KLHL23: variants seen among roughly 807,000 people sequenced by gnomAD.
The protein encoded by KLHL23 is kelch-like protein 23.
Under a neutral mutation model 48.9 loss-of-function variants are expected in KLHL23, and 33 were observed. That is an observed-to-expected ratio of 0.67 (90% CI 0.51 to 0.90). The LOEUF (loss-of-function observed/expected upper bound fraction) is 0.90, where lower values mean the gene tolerates loss of function less well. KLHL23 is among the 40% of genes least tolerant of loss of function. The pLI, the probability that KLHL23 is intolerant of heterozygous loss-of-function variation, is 0.00. For missense variants in KLHL23, 608 were observed against 669.6 expected (o/e 0.91, Z 1.02); for synonymous variants, 234 against 231.6 (o/e 1.01, Z -0.09).
In KLHL23 at chr2:169,735,579, A is replaced by G. The variant is rs1467935730; in HGVS notation, c.565A>G (p.Arg189Gly). The G allele has an allele frequency of 1.2e-6, 2 of 1,613,942 alleles. No homozygotes were observed. The highest frequency in any genetic ancestry group is 1.7e-5 in the Admixed American group (1 of 60,014). The change falls in exon 2 of 4, where the codon AGA becomes GGA. Residue 189 changes from arginine (R) to glycine (G), a missense_variant. Arg to Gly is a moderately radical substitution (Grantham distance 125). Coordinates refer to ENST00000392647, the MANE Select transcript of KLHL23 (RefSeq NM_144711.6). This position sits in a 1 kb window ranked among gnomAD's most constrained non-coding sequence, Gnocchi z 4.5. ...TGAAAAGTTTCTCTTTATCTTGTCCAGAAAGAATCTCAGTGTTTGGAAAGA... is the reference window on the plus strand; with the variant it reads ...TGAAAAGTTTCTCTTTATCTTGTCCGGAAAGAATCTCAGTGTTTGGAAAGA... ...SLEKFLFILS[R>G]KNLSVWKEEA...
At chr2:169,747,389 T>TAAAAAAAAAAAGAAAAAAAAAAAAAAAA (rs1688817832) in intron 3 of KLHL23, among the ~76,000 whole-genome samples, 1 of 69,204 alleles carries the variant, frequency 1.4e-5, no homozygotes, top group Non-Finnish European at 2.6e-5. Flanking sequence ...ACTCTGTCTC[T>TAAAAAAAAAAAGAAAAAAAAAAAAAAAA]AAAAAAAAAA....
At position 169,751,618 on chromosome 2, in the gene KLHL23, T is replaced by C. The variant is rs1217433606; in HGVS notation, c.*1886T>C. ...TGTCAAGAAAGTGGGATAAGAAAAA[T>C]AGTGAAGTATTATACTGCCATTAAA... is the stretch of plus-strand genomic sequence containing the variant. On this transcript the variant is annotated 3_prime_UTR_variant, in exon 4 of 4. Transcript: ENST00000392647. 1 of 152,058 alleles carries C rather than the reference T, an allele frequency of 6.6e-6. No individual in the cohort carries two copies. Among genetic ancestry groups the C allele is most frequent in the Non-Finnish European group, 1.5e-5 (1 of 68,002 alleles). 9.4% of individuals were successfully genotyped at this position (152,058 alleles called of 1,614,324 possible).
In KLHL23 at chr2:169,735,288, G is replaced by A; in HGVS notation, c.274G>A (p.Val92Ile). 6.2e-7 allele frequency: 1 copy of A among 1,612,740 alleles called. No individual in the cohort carries two copies. Among genetic ancestry groups the A allele is most frequent in the Non-Finnish European group, 8.5e-7 (1 of 1,179,784 alleles). The change falls in exon 2 of 4, where the codon GTA (valine) becomes ATA (isoleucine). Residue 92 changes from valine to isoleucine, a missense_variant. Val to Ile is a conservative substitution (Grantham distance 29, BLOSUM62 3). Transcript: ENST00000392647. This position sits in a 1 kb window ranked among gnomAD's most constrained non-coding sequence, Gnocchi z 4.5. ...CCACCATGATATTCTGGAAGGCCTT[G>A]TAAATTATGCATACACTTCCCAAAT... ...GIHHDILEGL[V>I]NYAYTSQIEI... is the part of the protein sequence containing the mutation.
rs1353228755 is a variant in KLHL23, at chr2:169,749,982, T to C, written c.*250T>C. The C allele has an allele frequency of 2.3e-5, 2 of 85,736 alleles. No homozygotes were observed. Among genetic ancestry groups the C allele is most frequent in the Non-Finnish European group, 4.8e-5 (2 of 41,464 alleles). The allele number at this position is 85,736 out of a possible 1,614,324, so 5.3% of individuals were successfully genotyped here. ...ATATGTATACATATATATGTGTATA[T>C]ATACGTATGTATACATATATGTGTA... is the stretch of plus-strand genomic sequence containing the variant. On this transcript the variant is annotated 3_prime_UTR_variant, in exon 4 of 4. Transcript: ENST00000392647.
chr2:169,745,392 A>G (rs1688771564), intron 3 of KLHL23, among the ~76,000 whole-genome samples: 1 of 151,854 alleles, frequency 6.6e-6, no homozygotes, highest in African/African-American at 2.4e-5. Flanking sequence ...GGGCACCTGT[A>G]GTCCTAGCTA....
At chr2:169,742,344 T>C (rs1256378425) in intron 3 of KLHL23, among the ~76,000 whole-genome samples, 1 of 152,236 alleles carries the variant, frequency 6.6e-6, no homozygotes, top group Non-Finnish European at 1.5e-5. Context: ...AGGCACTGGC[T>C]AAGCACTTCA....
At chr2:169,741,131 G>A (rs1188342444) in intron 2 of KLHL23, 5 of 328,656 alleles carry the variant, frequency 1.5e-5, no homozygotes, top group Non-Finnish European at 2.8e-5. Context: ...TAGGTGATAG[G>A]ACATTTTCCA....
chr2:169,740,766 T>TA (rs1553477017), intron 2 of KLHL23, among the ~76,000 whole-genome samples: 2 of 125,516 alleles, frequency 1.6e-5, no homozygotes, highest in South Asian at 2.5e-4. Context: ...CTTTTTTATA[T>TA]TATATATATA....
intron 3 of KLHL23, among the ~76,000 whole-genome samples, chr2:169,745,297 G>A (rs1221638628): frequency 6.6e-6 from 1 of 151,876 alleles, no homozygotes; most frequent in African/African-American, 2.4e-5. Flanking sequence ...CGGATCATGA[G>A]GTCAGGAGAT....
rs1688498755 is a variant in KLHL23 at position 169,735,799 on chromosome 2, C to T, written c.785C>T (p.Pro262Leu). 1 of 1,614,022 alleles carries T rather than the reference C, an allele frequency of 6.2e-7. No individual in the cohort carries two copies. Among genetic ancestry groups the T allele is most frequent in the Non-Finnish European group, 8.5e-7 (1 of 1,180,030 alleles). ...IRSLIYNALN[P>L]MHKEISQRST... ...TCCCTAATATACAATGCCTTGAATC[C>T]CATGCATAAAGAGATTTCCCAGAGG... Residue 262 changes from proline to leucine, a missense_variant, in exon 2 of 4, where the codon CCC (proline) becomes CTC (leucine). Pro to Leu is a moderately conservative substitution (Grantham distance 98). Coordinates refer to ENST00000392647, the MANE Select transcript of KLHL23 (RefSeq NM_144711.6). This position sits in a 1 kb window ranked among gnomAD's most constrained non-coding sequence, Gnocchi z 4.5.
At position 169,749,971 on chromosome 2, in the gene KLHL23, A is replaced by ATATATATGTATGTATACATG. The variant is rs1553478040; in HGVS notation, c.*242_*243insATATGTATGTATACATGTAT. On this transcript the variant is annotated 3_prime_UTR_variant, in exon 4 of 4. Coordinates refer to ENST00000392647, the MANE Select transcript of KLHL23 (RefSeq NM_144711.6). ...TGTGTTCATATATATGTATACATAT[A>ATATATATGTATGTATACATG]TATGTGTATATATACGTATGTATAC... 7.1e-6 allele frequency: 1 copy of ATATATATGTATGTATACATG among 140,314 alleles called. No individual in the cohort carries two copies. Among genetic ancestry groups the ATATATATGTATGTATACATG allele is most frequent in the African/African-American group, 3.8e-5 (1 of 26,078 alleles). 8.7% of individuals were successfully genotyped at this position (140,314 alleles called of 1,614,324 possible). A position where few individuals can be genotyped will look rare whatever the true frequency, so the allele number is the denominator to read the frequency against.
At position 169,735,173 on chromosome 2, in the gene KLHL23, C is replaced by T. The variant is rs751116429; in HGVS notation, c.159C>T (p.Ala53=). 28 of 1,612,328 alleles carry T rather than the reference C, an allele frequency of 1.7e-5. No homozygotes were observed. Among genetic ancestry groups the T allele is most frequent in the Non-Finnish European group, 2.3e-5 (27 of 1,179,698 alleles). Residue 53 remains alanine (A), a synonymous_variant, in exon 2 of 4, where the codon GCC becomes GCT. Transcript: ENST00000392647. The surrounding 1 kb of genome is among the most constrained non-coding windows in gnomAD (Gnocchi z 4.5). ...GCATAATTTTCCATTGTCACCGAGC[C>T]GTTTTAGCTGCTTGCAGCAATTATT... ...PSGIIFHCHR[A]VLAACSNYFK... is the part of the protein sequence containing the mutation.
intron 2 of KLHL23, among the ~76,000 whole-genome samples, chr2:169,739,985 A>C (rs1048932533): frequency 6.6e-6 from 1 of 152,218 alleles, no homozygotes; most frequent in Non-Finnish European, 1.5e-5. Flanking sequence ...CATAAAAGAT[A>C]AAAATGGTAG....
At chr2:169,734,714 G>T (rs1688471040) in intron 1 of KLHL23, among the ~76,000 whole-genome samples, 1 of 152,114 alleles carries the variant, frequency 6.6e-6, no homozygotes, top group African/African-American at 2.4e-5. Flanking sequence ...CCTAGTGTGG[G>T]ATCTCATCTC....
At chr2:169,743,415 G>A (rs1240708473) in intron 3 of KLHL23, among the ~76,000 whole-genome samples, 2 of 152,070 alleles carry the variant, frequency 1.3e-5, no homozygotes, top group East Asian at 3.8e-4. Context: ...TAAATCAATG[G>A]TAACATAATA....
chr2:169,735,867 C>T lies in KLHL23; in HGVS notation c.853C>T (p.Pro285Ser). ...TATAATTGGAGGCTATTACTGGCAT[C>T]CTTTATCAGAGGTTCACATATGGGA... ...MYIIGGYYWHPLSEVHIWDPL... is the reference protein window; with the variant it reads ...MYIIGGYYWHSLSEVHIWDPL... The change falls in exon 2 of 4, where the codon CCT becomes TCT. Residue 285 changes from proline (P) to serine (S), a missense_variant. By Grantham distance (74) the Pro-to-Ser change is moderately conservative. Around this residue, in one of 3 missense-constraint regions of KLHL23, gnomAD observed 419 missense variants for 473.1 expected, o/e 0.89. Transcript: ENST00000392647. The surrounding 1 kb of genome is among the most constrained non-coding windows in gnomAD (Gnocchi z 4.5). The T allele has an allele frequency of 6.2e-7, 1 of 1,614,082 alleles. No homozygotes were observed. The highest frequency in any genetic ancestry group is 8.5e-7 in the Non-Finnish European group (1 of 1,180,032).
chr2:169,748,823 A>AC, intron 3 of KLHL23, among the ~76,000 whole-genome samples: 1 of 137,028 alleles, frequency 7.3e-6, no homozygotes, highest in African/African-American at 2.6e-5. Context: ...CGGATCCCAC[A>AC]CAGCAGCCCT....
At chr2:169,736,252 G>A (rs1688513116) in intron 2 of KLHL23, 25 bp downstream of exon 2, 1 of 1,566,122 alleles carries the variant, frequency 6.4e-7, no homozygotes, top group South Asian at 1.2e-5. Context: ...TGTTTATTTT[G>A]TATTTTTTAG....
intron 2 of KLHL23, among the ~76,000 whole-genome samples, chr2:169,736,518 C>A (rs750180703): frequency 3.3e-5 from 5 of 152,160 alleles, no homozygotes; most frequent in Non-Finnish European, 7.4e-5. Flanking sequence ...TGCTATTCAA[C>A]TTTTTCCTCT....
Sources: gnomAD v4.1 joint callset for allele counts (sites outside exome capture counted in the v4.1 genomes callset) on GRCh38, gnomAD v4.1.1 for gene constraint, gnomAD v4.1.1 regional missense constraint, Gnocchi (gnomAD v3.1) non-coding constraint, MANE v1.5 for transcripts, NCBI Gene and HGNC (gene_info 2026-07-23, HGNC 2026-07-21) for gene names.